PHIP: variants seen among roughly 807,000 people sequenced by gnomAD.
PHIP encodes PH-interacting protein.
PHIP carries 54 observed loss-of-function variants against 236.8 expected under a neutral mutation model. The observed-to-expected ratio is 0.23, with a 90% CI of 0.18 to 0.29. The LOEUF (loss-of-function observed/expected upper bound fraction) is 0.29. PHIP is among the 10% of genes least tolerant of loss of function. The pLI is 1.00. For synonymous variants in PHIP, 756 were observed against 718.9 expected (o/e 1.05, Z -0.83); for missense variants, 1,370 against 2,190.8 (o/e 0.63, Z 7.48).
chr6:79,014,003 AATCC>A lies in PHIP; in HGVS notation c.1524+1075_1524+1078del, dbSNP rs968415895. Among the ~76,000 whole-genome samples, 79 of 149,868 alleles carry A rather than the reference AATCC, an allele frequency of 5.3e-4. 1 individual carries two copies. The highest frequency in any genetic ancestry group is 1.9e-3 in the African/African-American group (77 of 40,850). ...AAAATCTCAATACAATCACAAAGGA[AATCC>A]ATCCATCACTAACAAGTGCACACCA... On this transcript the variant is annotated intron_variant, in intron 15 of 39. Coordinates refer to ENST00000275034, the MANE Select transcript of PHIP (RefSeq NM_017934.7).
At position 78,938,686 on chromosome 6, in the gene PHIP, ATTT is replaced by A. The variant is rs1442729787; in HGVS notation, c.*2004_*2006del. ...GAATTTTAATTTTATAGTTAAATAT[ATTT>A]GTTAGAAAAAAATAAATATACAAAA... On this transcript the variant is annotated 3_prime_UTR_variant, in exon 40 of 40. Coordinates refer to ENST00000275034, the MANE Select transcript of PHIP (RefSeq NM_017934.7). The A allele has an allele frequency of 1.3e-5, 2 of 151,670 alleles. No individual in the cohort carries two copies. The highest frequency in any genetic ancestry group is 3.9e-4 in the East Asian group (2 of 5,192). The allele number at this position is 151,670 out of a possible 1,614,324, so 9.4% of individuals were successfully genotyped here.
At chr6:79,017,456 C>G (rs1770886736) in intron 11 of PHIP, 27 bp downstream of exon 11, 2 of 1,574,194 alleles carry the variant, frequency 1.3e-6, no homozygotes, top group Non-Finnish European at 1.7e-6. Context: ...AAATTATACT[C>G]ATCTAATTCT....
intron 6 of PHIP, among the ~76,000 whole-genome samples, chr6:79,048,511 A>T (rs1272756448): frequency 6.6e-6 from 1 of 152,184 alleles, no homozygotes. Flanking sequence ...CAAAATGTTT[A>T]GACTTTTTTC....
chr6:79,059,944 T>C (rs753996180), intron 6 of PHIP, among the ~76,000 whole-genome samples: 3 of 151,948 alleles, frequency 2.0e-5, no homozygotes, highest in Non-Finnish European at 4.4e-5. Context: ...GAGAGAGAGA[T>C]AGAAGACACC....
At chr6:78,974,597 T>C (rs549988481) in intron 24 of PHIP, among the ~76,000 whole-genome samples, 3 of 152,214 alleles carry the variant, frequency 2.0e-5, no homozygotes, top group Admixed American at 6.5e-5. Context: ...AGCTGGTTTT[T>C]TGAAAGATCA....
At chr6:79,007,593 G>A (rs895099877) in intron 15 of PHIP, among the ~76,000 whole-genome samples, 10 of 150,802 alleles carry the variant, frequency 6.6e-5, no homozygotes, top group African/African-American at 2.2e-4. Context: ...GGCTATCTTA[G>A]GCAGAACCAT....
intron 35 of PHIP, among the ~76,000 whole-genome samples, chr6:78,954,472 T>G (rs996288761): frequency 2.0e-5 from 3 of 152,062 alleles, no homozygotes; most frequent in African/African-American, 7.2e-5. Flanking sequence ...CATTATTCTT[T>G]TTTTCTAGAT....
chr6:78,996,337 T>A (rs541659643), intron 19 of PHIP, among the ~76,000 whole-genome samples: 1 of 152,322 alleles, frequency 6.6e-6, no homozygotes, highest in East Asian at 1.9e-4. Context: ...ATATGGTTTT[T>A]GTGGAATATT....
chr6:78,937,969 T>G lies in PHIP; in HGVS notation c.*2724A>C, dbSNP rs2127674872. The G allele has an allele frequency of 6.6e-6, 1 of 151,816 alleles. No homozygotes were observed. The allele number at this position is 151,816 out of a possible 1,614,324, so 9.4% of individuals were successfully genotyped here. A position where few individuals can be genotyped will look rare whatever the true frequency, so the allele number is the denominator to read the frequency against. ...ACTTTCAGTAAATTGGAGATGTTTT[T>G]ATTGCTTACCTAAGACAACTGCCAA... On this transcript the variant is annotated 3_prime_UTR_variant, in exon 40 of 40. Transcript: ENST00000275034.
In PHIP at chr6:78,940,654, C is replaced by T; in HGVS notation, c.*39G>A. On this transcript the variant is annotated 3_prime_UTR_variant, in exon 40 of 40. Coordinates refer to ENST00000275034, the MANE Select transcript of PHIP (RefSeq NM_017934.7). ...AGTTCTACTTATTCCTTAACTGTACCTGCTTTATAGATTTTGAAGTAAAAT... is the reference window on the plus strand; with the variant it reads ...AGTTCTACTTATTCCTTAACTGTACTTGCTTTATAGATTTTGAAGTAAAAT... The T allele has an allele frequency of 7.7e-7, 1 of 1,306,270 alleles. No individual in the cohort carries two copies. The highest frequency in any genetic ancestry group is 1.0e-6 in the Non-Finnish European group (1 of 966,464). The allele number at this position is 1,306,270 out of a possible 1,614,324, so 80.9% of individuals were successfully genotyped here.
At position 79,003,718 on chromosome 6, in the gene PHIP, A is replaced by G; in HGVS notation, c.1653+12T>C. On this transcript the variant is annotated intron_variant, in intron 16 of 39. Transcript: ENST00000275034. The stretch of plus-strand genomic sequence containing the variant: ...AAAAATAAGGACATGATATATAGTC[A>G]TCATACTCTACCTTGTCATATTTGC... 1.9e-6 allele frequency: 3 copies of G among 1,589,166 alleles called. No individual in the cohort carries two copies. The highest frequency in any genetic ancestry group is 2.6e-6 in the Non-Finnish European group (3 of 1,169,910).
intron 24 of PHIP, among the ~76,000 whole-genome samples, chr6:78,976,202 G>T (rs894786771): frequency 2.0e-5 from 3 of 149,240 alleles, no homozygotes; most frequent in Non-Finnish European, 4.5e-5. Flanking sequence ...ACAGAACAGA[G>T]CCCTCAGAAA....
chr6:79,026,087 A>G lies in PHIP; in HGVS notation c.678T>C (p.Ala226=). 4.3e-6 allele frequency: 7 copies of G among 1,614,050 alleles called. No homozygotes were observed. The highest frequency in any genetic ancestry group is 5.1e-6 in the Non-Finnish European group (6 of 1,179,918). Reference sequence around the variant, plus strand: ...AGTTTACAGCCATGTCTGATATTTCAGCAGCATGTCCTCTTAAGGTAGCTA... The same window carrying G: ...AGTTTACAGCCATGTCTGATATTTCGGCAGCATGTCCTCTTAAGGTAGCTA... The part of the protein sequence containing the change: ...RLLATLRGHA[A]EISDMAVNYE... Residue 226 remains alanine (A), a synonymous_variant, in exon 8 of 40, where the codon GCT becomes GCC. Coordinates refer to ENST00000275034, the MANE Select transcript of PHIP (RefSeq NM_017934.7).
intron 10 of PHIP, among the ~76,000 whole-genome samples, chr6:79,018,887 G>A (rs932566300): frequency 1.3e-5 from 2 of 151,942 alleles, no homozygotes; most frequent in African/African-American, 4.8e-5. Context: ...ACAGTCATGT[G>A]ATTATATAAA....
At chr6:78,961,383 AATACAAT>A (rs1437910957) in intron 31 of PHIP, among the ~76,000 whole-genome samples, 1 of 152,084 alleles carries the variant, frequency 6.6e-6, no homozygotes, top group Non-Finnish European at 1.5e-5. Context: ...TGCTTTATAA[AATACAAT>A]ATAAAGACAG....
chr6:78,970,040 A>G lies in PHIP; in HGVS notation c.3122+9T>C. The G allele has an allele frequency of 6.2e-7, 1 of 1,612,418 alleles. No homozygotes were observed. Among genetic ancestry groups the G allele is most frequent in the Non-Finnish European group, 8.5e-7 (1 of 1,179,374 alleles). On this transcript the variant is annotated intron_variant, in intron 26 of 39. Coordinates refer to ENST00000275034, the MANE Select transcript of PHIP (RefSeq NM_017934.7). ...TAAGAAAACCATTGCCTCTTTCAAC[A>G]GTCCTTACTTCATGGTAAATGATCC...
chr6:79,030,335 T>C (rs1306556264), intron 7 of PHIP, among the ~76,000 whole-genome samples: 5 of 152,170 alleles, frequency 3.3e-5, no homozygotes, highest in Admixed American at 2.6e-4. Context: ...TCAACTGACA[T>C]AGTTTTTTCA....
At position 79,025,281 on chromosome 6, in the gene PHIP, G is replaced by A. The variant is rs144037700; in HGVS notation, c.923+238C>T. ...GTAATAAAACAGGTAAATGCTGAAGGAAAGAGCTAGGATTAGGATAAAGAG... is the reference window on the plus strand; with the variant it reads ...GTAATAAAACAGGTAAATGCTGAAGAAAAGAGCTAGGATTAGGATAAAGAG... On this transcript the variant is annotated intron_variant, in intron 9 of 39. Coordinates refer to ENST00000275034, the MANE Select transcript of PHIP (RefSeq NM_017934.7). Among the ~76,000 whole-genome samples, 4 of 144,082 alleles carry A rather than the reference G, an allele frequency of 2.8e-5. No individual in the cohort carries two copies. In the South Asian group the frequency reaches 9.3e-4, roughly 33 times the overall value. The allele number at this position is 144,082 out of a possible 152,430, so 94.5% of individuals were successfully genotyped here.
intron 6 of PHIP, among the ~76,000 whole-genome samples, chr6:79,056,060 C>T (rs1208471775): frequency 1.3e-5 from 2 of 152,126 alleles, no homozygotes; most frequent in African/African-American, 4.8e-5. Context: ...TTAATATTTA[C>T]TAATGCTGAA....
Sources: gnomAD v4.1 joint callset for allele counts (sites outside exome capture counted in the v4.1 genomes callset) on GRCh38, gnomAD v4.1.1 for gene constraint, MANE v1.5 for transcripts, NCBI Gene and HGNC (gene_info 2026-07-23, HGNC 2026-07-21) for gene names.